The following NAPSA variants were observed in gnomAD, a reference collection of about 807,000 sequenced individuals.
NAPSA encodes the protein napsin-A.
Under a neutral mutation model 36.7 loss-of-function variants are expected in NAPSA, and 37 were observed. That is an observed-to-expected ratio of 1.01 (90% CI 0.78 to 1.33). The LOEUF is 1.33. NAPSA is among the 40% of genes most tolerant of loss of function. NAPSA has a pLI of 0.00. For synonymous variants in NAPSA, 222 were observed against 234.5 expected (o/e 0.95, Z 0.49); for missense variants, 532 against 543.8 (o/e 0.98, Z 0.21).
In NAPSA at chr19:50,365,540, G is replaced by A. The variant is rs200706482; in HGVS notation, c.82C>T (p.Arg28Cys). Residue 28 changes from arginine (R) to cysteine (C), a missense_variant and splice_region_variant, in exon 1 of 9, where the codon CGC (arginine) becomes TGC (cysteine). Coordinates refer to ENST00000253719, the MANE Select transcript of NAPSA (RefSeq NM_004851.3). Reference protein sequence around the residue: ...NVEPSGATLIRIPLHRVQPGR... With the variant: ...NVEPSGATLICIPLHRVQPGR... ...GGGTGGTAGATGGGGTCACCATACC[G>A]GATCAGTGTGGCCCCGGAAGGCTCC... 1.9e-4 allele frequency: 304 copies of A among 1,612,844 alleles called. 1 individual carries two copies. The East Asian group carries it at 5.9e-3, about 31-fold the overall frequency.
chr19:50,361,078 G>C lies in NAPSA; in HGVS notation c.531C>G (p.Val177=). 2 of 1,614,134 alleles carry C rather than the reference G, an allele frequency of 1.2e-6. No homozygotes were observed. The highest frequency in any genetic ancestry group is 1.7e-6 in the Non-Finnish European group (2 of 1,180,024). ...TCCCATCAAAATGGGCAAAAGCGAA[G>C]ACCAGGCTGGGCTCCCAGAGAGCCT... ...FGEALWEPSL[V]FAFAHFDGIL... The change falls in exon 5 of 9, where the codon GTC becomes GTG. Residue 177 remains valine, a synonymous_variant. Transcript: ENST00000253719.
chr19:50,365,840 A>C, upstream of NAPSA: 1 of 428,796 alleles, frequency 2.3e-6, no homozygotes, highest in Non-Finnish European at 4.2e-6. Context: ...GGTGCTCCTC[A>C]CTCCCTACTT....
At chr19:50,368,814 C>G (rs1281031092), upstream of NAPSA, among the ~76,000 whole-genome samples, 1 of 152,232 alleles carries the variant, frequency 6.6e-6, no homozygotes, top group Admixed American at 6.5e-5. Context: ...TAGAGCTGGA[C>G]CCCTGGAACA....
upstream of NAPSA, among the ~76,000 whole-genome samples, chr19:50,367,551 T>G (rs565543252): frequency 2.5e-5 from 3 of 118,046 alleles, no homozygotes; most frequent in East Asian, 6.2e-4. Flanking sequence ...TCTCTCTCCC[T>G]CTCTCTCTCT....
chr19:50,368,675 A>G (rs2037579081), upstream of NAPSA, among the ~76,000 whole-genome samples: 1 of 151,914 alleles, frequency 6.6e-6, no homozygotes, highest in Non-Finnish European at 1.5e-5. Flanking sequence ...CGTCTGCAGC[A>G]CCCCATCCAA....
At chr19:50,366,770 A>C (rs903160765), upstream of NAPSA, among the ~76,000 whole-genome samples, 2 of 151,642 alleles carry the variant, frequency 1.3e-5, no homozygotes, top group African/African-American at 2.4e-5. Context: ...TCCCAGGTGC[A>C]AGTAATTCTG....
chr19:50,364,314 C>CAA (rs56181758), intron 1 of NAPSA, among the ~76,000 whole-genome samples: 3 of 65,840 alleles, frequency 4.6e-5, no homozygotes, highest in African/African-American at 5.4e-5. Flanking sequence ...GACTCCGTCT[C>CAA]AAAAAAAAAA....
rs1301432867 is a variant in NAPSA at position 50,359,838 on chromosome 19, T to C, written c.693A>G (p.Gly231=). The change falls in exon 6 of 9, where the codon GGA becomes GGG. Residue 231 remains glycine, a synonymous_variant. Transcript: ENST00000253719. ...GGTCCGAGCCCCCCAGGACCAGCTC[T>C]CCTCCATCAGGCTCTTCAGGGTCCC... ...LNRDPEEPDG[G]ELVLGGSDPA... is the part of the protein sequence containing the mutation. The C allele has an allele frequency of 8.1e-6, 13 of 1,614,058 alleles. No homozygotes were observed. In the Admixed American group the frequency reaches 2.2e-4, roughly 27 times the overall value.
intron 8 of NAPSA, 22 bp downstream of exon 8, chr19:50,358,989 C>T: frequency 1.3e-6 from 2 of 1,590,014 alleles, no homozygotes; most frequent in Non-Finnish European, 1.7e-6. Context: ...GTCACTATGG[C>T]GTCATGGTGA....
In NAPSA at chr19:50,359,003, C is replaced by T. The variant is rs1174339249; in HGVS notation, c.1035+8G>A. On this transcript the variant is annotated splice_region_variant and intron_variant, in intron 8 of 8. Transcript: ENST00000253719. ...CGTCACTATGGCGTCATGGTGATGG[C>T]CACCTACCTGGATGACGTAATCATG... The T allele has an allele frequency of 2.5e-6, 4 of 1,610,344 alleles. No individual in the cohort carries two copies. Among genetic ancestry groups the T allele is most frequent in the East Asian group, 2.2e-5 (1 of 44,862 alleles).
In NAPSA at chr19:50,361,075, G is replaced by GAAGA; in HGVS notation, c.530_533dup (p.Ala179LeufsTer7). 2 of 1,614,118 alleles carry GAAGA rather than the reference G, an allele frequency of 1.2e-6. No homozygotes were observed. The highest frequency in any genetic ancestry group is 1.7e-6 in the Non-Finnish European group (2 of 1,180,014). On this transcript the variant is annotated frameshift_variant, in exon 5 of 9. Transcript: ENST00000253719. LOFTEE classifies it high-confidence loss of function. ...ATATCCCATCAAAATGGGCAAAAGC[G>GAAGA]AAGACCAGGCTGGGCTCCCAGAGAG...
chr19:50,366,071 G>A (rs949741303), upstream of NAPSA: 5 of 153,484 alleles, frequency 3.3e-5, no homozygotes, highest in African/African-American at 1.2e-4. Flanking sequence ...ATATGAAGTG[G>A]GCCCGCATTT....
rs773242848 is a variant in NAPSA, at chr19:50,364,310, G to A, written c.83+1229C>T. On this transcript the variant is annotated intron_variant, in intron 1 of 8. Coordinates refer to ENST00000253719, the MANE Select transcript of NAPSA (RefSeq NM_004851.3). ...AGCCTGGGCGACAGGGCAAGACTCCGTCTCAAAAAAAAAAAAAAAAAAAGG... is the reference window on the plus strand; with the variant it reads ...AGCCTGGGCGACAGGGCAAGACTCCATCTCAAAAAAAAAAAAAAAAAAAGG... Among the ~76,000 whole-genome samples the A allele has an allele frequency of 1.1e-3, 88 of 80,758 alleles. 1 individual carries two copies. Among genetic ancestry groups the A allele is most frequent in the Admixed American group, 3.8e-3 (22 of 5,746 alleles). The allele number at this position is 80,758 out of a possible 152,430, so 53.0% of individuals were successfully genotyped here.
chr19:50,361,534 T>G, intron 4 of NAPSA, 129 bp downstream of exon 4: 1 of 804,238 alleles, frequency 1.2e-6, no homozygotes, highest in Admixed American at 2.1e-5. Context: ...AGGCAGGCCC[T>G]CCTCCCCACT....
intron 1 of NAPSA, among the ~76,000 whole-genome samples, chr19:50,363,461 G>C (rs1176554067): frequency 6.6e-6 from 1 of 152,094 alleles, no homozygotes; most frequent in Non-Finnish European, 1.5e-5. Context: ...GCTCACTGCA[G>C]CCTTGATCTC....
At chr19:50,360,665 A>G (rs532701263) in intron 5 of NAPSA, among the ~76,000 whole-genome samples, 1 of 152,260 alleles carries the variant, frequency 6.6e-6, no homozygotes, top group East Asian at 1.9e-4. Context: ...TGAAACATGG[A>G]GCATTCTGAA....
At chr19:50,368,721 G>A (rs554719222), upstream of NAPSA, among the ~76,000 whole-genome samples, 1 of 152,274 alleles carries the variant, frequency 6.6e-6, no homozygotes, top group South Asian at 2.1e-4. Context: ...TTGAGAGGCC[G>A]TGCCTGCAAA....
chr19:50,365,737 TG>T, upstream of NAPSA: 1 of 803,856 alleles, frequency 1.2e-6, no homozygotes, highest in Non-Finnish European at 2.0e-6. Flanking sequence ...ACATGAAATC[TG>T]TCCGCAGGTG....
intron 5 of NAPSA, among the ~76,000 whole-genome samples, chr19:50,360,495 T>A (rs2037457669): frequency 6.6e-6 from 1 of 152,282 alleles, no homozygotes; most frequent in South Asian, 2.1e-4. Flanking sequence ...CTGAGCATAA[T>A]ACTGAACTTC....
Sources: allele counts gnomAD v4.1 joint callset (sites outside exome capture counted in the v4.1 genomes callset), GRCh38; gene constraint gnomAD v4.1.1; transcripts MANE v1.5; gene names NCBI Gene and HGNC (gene_info 2026-07-23, HGNC 2026-07-21).